The following CCDC6 variants were observed in gnomAD, a reference collection of about 807,000 sequenced individuals.
CCDC6 encodes the protein coiled-coil domain-containing protein 6.
Under a neutral mutation model 56.6 loss-of-function variants are expected in CCDC6, and 20 were observed. The observed-to-expected ratio is 0.35, with a 90% CI of 0.25 to 0.51. The LOEUF (loss-of-function observed/expected upper bound fraction) is 0.51, where lower values mean the gene tolerates loss of function less well. CCDC6 is among the 20% of genes least tolerant of loss of function. The pLI is 0.95. For missense variants in CCDC6, 367 were observed against 601.1 expected, an observed-to-expected ratio of 0.61 and a Z score of 4.07; for synonymous variants, 241 against 234.4, an observed-to-expected ratio of 1.03 and a Z score of -0.26.
intron 2 of CCDC6, among the ~76,000 whole-genome samples, chr10:59,841,551 G>A (rs1265971668): frequency 3.3e-5 from 5 of 152,240 alleles, no homozygotes; most frequent in Middle Eastern, 3.4e-3. Context: ...TAAGTAAATG[G>A]CAGTATTAGT....
At chr10:59,845,184 T>A (rs991078954) in intron 2 of CCDC6, among the ~76,000 whole-genome samples, 2 of 152,158 alleles carry the variant, frequency 1.3e-5, no homozygotes, top group African/African-American at 4.8e-5. Context: ...ATTTCTCCCA[T>A]CTACTTTGGT....
chr10:59,807,578 T>C (rs570019671), intron 5 of CCDC6, among the ~76,000 whole-genome samples: 9 of 152,360 alleles, frequency 5.9e-5, no homozygotes, highest in South Asian at 2.1e-4. Context: ...TATAAAAGTT[T>C]ACCAATTATT....
chr10:59,847,816 A>C (rs921352044), intron 2 of CCDC6, among the ~76,000 whole-genome samples: 1 of 119,312 alleles, frequency 8.4e-6, no homozygotes, highest in Non-Finnish European at 1.6e-5. Context: ...AGCCTTTTAG[A>C]CTTTTTTTTT....
intron 1 of CCDC6, among the ~76,000 whole-genome samples, chr10:59,859,791 CAT>C (rs1382235649): frequency 6.6e-6 from 1 of 152,062 alleles, no homozygotes; most frequent in Non-Finnish European, 1.5e-5. Context: ...TAATGAAAGA[CAT>C]AAATCTAGAG....
In CCDC6 at chr10:59,874,771, TG is replaced by T. The variant is rs200133626; in HGVS notation, c.304-22070del. ...AGTGATGCCTAATGATGACTTGACT[TG>T]CCATTGCTGGGTTTGAGGATGAGGA... On this transcript the variant is annotated intron_variant, in intron 1 of 8. Transcript: ENST00000263102. 8.1e-3 allele frequency among the ~76,000 whole-genome samples: 1,227 copies of T among 152,232 alleles called. 6 individuals carry two copies. Among genetic ancestry groups the T allele is most frequent in the Non-Finnish European group, 0.014 (937 of 68,008 alleles).
chr10:59,865,095 A>G (rs573098291), intron 1 of CCDC6, among the ~76,000 whole-genome samples: 22 of 152,330 alleles, frequency 1.4e-4, no homozygotes, highest in African/African-American at 4.8e-4. Context: ...GGAGGCCTCT[A>G]ACCAGCTATT....
At chr10:59,901,333 T>C (rs2071502636) in intron 1 of CCDC6, among the ~76,000 whole-genome samples, 1 of 152,220 alleles carries the variant, frequency 6.6e-6, no homozygotes, top group African/African-American at 2.4e-5. Context: ...AAAGGCAATA[T>C]CGATTTGTAG....
At chr10:59,863,734 TTCATA>T (rs1281021345) in intron 1 of CCDC6, among the ~76,000 whole-genome samples, 1 of 152,260 alleles carries the variant, frequency 6.6e-6, no homozygotes, top group Non-Finnish European at 1.5e-5. Context: ...ATGCACGCTT[TTCATA>T]TATCAGAAAT....
At chr10:59,794,894 A>T (rs2070500562) in intron 7 of CCDC6, among the ~76,000 whole-genome samples, 1 of 152,190 alleles carries the variant, frequency 6.6e-6, no homozygotes. Context: ...GGTGTTGGGA[A>T]AACTGGATAT....
chr10:59,888,894 G>T (rs2071401834), intron 1 of CCDC6, among the ~76,000 whole-genome samples: 1 of 152,024 alleles, frequency 6.6e-6, no homozygotes, highest in Non-Finnish European at 1.5e-5. Context: ...AAATTTCACA[G>T]CAGGGAAATG....
chr10:59,847,907 G>A (rs2132653815), intron 2 of CCDC6, among the ~76,000 whole-genome samples: 1 of 150,898 alleles, frequency 6.6e-6, no homozygotes, highest in South Asian at 2.1e-4. Context: ...CGTTAATAGG[G>A]AGTGGAGTTG....
intron 1 of CCDC6, among the ~76,000 whole-genome samples, chr10:59,867,241 C>T (rs960328753): frequency 5.9e-5 from 9 of 152,088 alleles, no homozygotes; most frequent in African/African-American, 2.2e-4. Flanking sequence ...CTAAGCCTCC[C>T]CCAACCACCT....
chr10:59,848,024 A>G (rs2071007982), intron 2 of CCDC6, among the ~76,000 whole-genome samples: 2 of 152,034 alleles, frequency 1.3e-5, no homozygotes, highest in African/African-American at 2.4e-5. Flanking sequence ...AAAGATGTGC[A>G]CAACATGTTA....
Position 59,906,157 on chromosome 10 carries a change from C to T in CCDC6, c.268G>A (p.Glu90Lys), listed in dbSNP as rs2071544452. The change falls in exon 1 of 9, where the codon GAG (glutamate) becomes AAG (lysine). Residue 90 changes from glutamate (E) to lysine (K), a missense_variant. By Grantham distance (56) the Glu-to-Lys change is moderately conservative. This residue lies in a region of CCDC6 where 41 missense variants were observed against 90.8 expected (regional missense o/e 0.45). Transcript: ENST00000263102. Reference protein sequence around the residue: ...YKLKCKALQEENRDLRKASVT... With the variant: ...YKLKCKALQEKNRDLRKASVT... ...CTGGCTTTGCGCAGGTCGCGGTTCT[C>T]CTCCTGCAGTGCCTTGCACTTCAGT... The T allele has an allele frequency of 1.9e-6, 3 of 1,608,492 alleles. No individual in the cohort carries two copies.
At chr10:59,813,128 A>G (rs961936664) in intron 4 of CCDC6, among the ~76,000 whole-genome samples, 4 of 152,232 alleles carry the variant, frequency 2.6e-5, no homozygotes, top group Non-Finnish European at 5.9e-5. Flanking sequence ...TGCTGACTCA[A>G]TGTTCAACTT....
At chr10:59,904,950 G>C (rs1441564374) in intron 1 of CCDC6, among the ~76,000 whole-genome samples, 1 of 152,150 alleles carries the variant, frequency 6.6e-6, no homozygotes, top group African/African-American at 2.4e-5. Context: ...CCATTTCCAA[G>C]GTGTGACCCT....
intron 3 of CCDC6, among the ~76,000 whole-genome samples, chr10:59,828,649 T>C (rs2070809730): frequency 6.6e-6 from 1 of 152,046 alleles, no homozygotes; most frequent in African/African-American, 2.4e-5. Context: ...ACCCTCCCAA[T>C]CTCTCTCCGG....
intron 3 of CCDC6, among the ~76,000 whole-genome samples, chr10:59,825,512 A>G (rs560732656): frequency 6.6e-6 from 1 of 152,186 alleles, no homozygotes; most frequent in Non-Finnish European, 1.5e-5. Flanking sequence ...TAATACAACC[A>G]TGTTTTACAG....
chr10:59,905,812 C>A (rs1399608550), intron 1 of CCDC6, among the ~76,000 whole-genome samples: 1 of 152,192 alleles, frequency 6.6e-6, no homozygotes, highest in Non-Finnish European at 1.5e-5. Context: ...CCCCCAGCCA[C>A]GCCGCCAGCC....
Sources: gnomAD v4.1 joint callset for allele counts (sites outside exome capture counted in the v4.1 genomes callset) on GRCh38, gnomAD v4.1.1 for gene constraint, gnomAD v4.1.1 regional missense constraint, MANE v1.5 for transcripts, NCBI Gene and HGNC (gene_info 2026-07-23, HGNC 2026-07-21) for gene names.